The following TARP variants were observed in gnomAD, a reference collection of about 807,000 sequenced individuals.
At chr7:38,259,674 A>G in the TARP span, 1 of 161,854 alleles carries the variant, frequency 6.2e-6, no homozygotes, top group Non-Finnish European at 1.4e-5. Flanking sequence ...TATTTTGCTT[A>G]TTACGGAAAA....
the TARP span, among the ~76,000 whole-genome samples, chr7:38,268,146 C>T: frequency 1.1e-4 from 16 of 150,808 alleles, no homozygotes; most frequent in South Asian, 2.5e-3. Flanking sequence ...TTTTTTATGG[C>T]CAAGTATGGT....
the TARP span, among the ~76,000 whole-genome samples, chr7:38,267,912 G>A: frequency 2.0e-5 from 3 of 150,790 alleles, no homozygotes; most frequent in African/African-American, 4.9e-5. Flanking sequence ...TTTTCTGTAC[G>A]GTACCACAGC....
At chr7:38,260,911 A>G in the TARP span, among the ~76,000 whole-genome samples, 1 of 151,854 alleles carries the variant, frequency 6.6e-6, no homozygotes, top group Non-Finnish European at 1.5e-5. Context: ...AAAGTTGAGC[A>G]GGGCTAGAGC....
chr7:38,267,529 G>A, the TARP span, among the ~76,000 whole-genome samples: 16 of 150,808 alleles, frequency 1.1e-4, no homozygotes, highest in East Asian at 3.9e-4. Context: ...TGTCTGTGTA[G>A]CAAAGCTTCT....
the TARP span, chr7:38,260,203 G>A: frequency 1.3e-6 from 2 of 1,594,688 alleles, no homozygotes; most frequent in Non-Finnish European, 1.7e-6. Context: ...ATATGCAGAG[G>A]TGTTTGTGAG....
At chr7:38,266,047 C>T in the TARP span, among the ~76,000 whole-genome samples, 5 of 151,000 alleles carry the variant, frequency 3.3e-5, no homozygotes, top group Admixed American at 1.3e-4. Context: ...TCTTTTGTTT[C>T]ATCATAGTGA....
At chr7:38,271,827 T>A in the TARP span, among the ~76,000 whole-genome samples, 1 of 151,228 alleles carries the variant, frequency 6.6e-6, no homozygotes, top group Non-Finnish European at 1.5e-5. Context: ...AAAGTTTTAA[T>A]GAAATATAAG....
chr7:38,270,419 A>G, the TARP span, among the ~76,000 whole-genome samples: 10 of 149,354 alleles, frequency 6.7e-5, no homozygotes, highest in South Asian at 4.2e-4. Context: ...TGCCTTACCT[A>G]CCGTGTTAAG....
the TARP span, among the ~76,000 whole-genome samples, chr7:38,260,595 G>A: frequency 4.0e-3 from 607 of 151,598 alleles, 8 homozygotes; most frequent in East Asian, 0.05. Context: ...TTGGGTGATT[G>A]CATTTAATAT....
At chr7:38,269,428 A>G in the TARP span, 2 of 707,532 alleles carry the variant, frequency 2.8e-6, no homozygotes, top group African/African-American at 1.7e-5. Context: ...ACATTATTCC[A>G]GTTTAATAAT....
At chr7:38,264,096 G>C in the TARP span, among the ~76,000 whole-genome samples, 1 of 151,698 alleles carries the variant, frequency 6.6e-6, no homozygotes, top group Admixed American at 6.6e-5. Context: ...CTCAATCAAG[G>C]TTGGTTGCAA....
At chr7:38,265,528 C>T in the TARP span, 2 of 1,612,132 alleles carry the variant, frequency 1.2e-6, 1 homozygote, top group Non-Finnish European at 1.7e-6. Context: ...AATCGTGTTG[C>T]TCTTCTTTTC....
At chr7:38,268,058 C>A in the TARP span, among the ~76,000 whole-genome samples, 2 of 151,280 alleles carry the variant, frequency 1.3e-5, no homozygotes, top group Non-Finnish European at 2.9e-5. Context: ...CTTGATTACA[C>A]ATGGTAAGGG....
At chr7:38,265,898 G>T in the TARP span, among the ~76,000 whole-genome samples, 1 of 151,614 alleles carries the variant, frequency 6.6e-6, no homozygotes, top group African/African-American at 2.4e-5. Context: ...CTTGCCAAAA[G>T]TCACAGCTCT....
At chr7:38,261,583 C>T in the TARP span, among the ~76,000 whole-genome samples, 31 of 151,440 alleles carry the variant, frequency 2.0e-4, 1 homozygote, top group South Asian at 6.1e-3. Context: ...AAACAAAAGA[C>T]AGGACAGGAG....
the TARP span, chr7:38,259,797 C>T: frequency 8.0e-4 from 265 of 331,554 alleles, 1 homozygote; most frequent in Middle Eastern, 4.8e-3. Flanking sequence ...GGCTAGAAGC[C>T]GCAGGATGTC....
the TARP span, among the ~76,000 whole-genome samples, chr7:38,264,495 G>A: frequency 7.2e-3 from 1,087 of 151,356 alleles, 11 homozygotes; most frequent in Middle Eastern, 0.01. Context: ...GGAGGCTGAA[G>A]TAAGAGAATC....
At chr7:38,272,650 C>A in the TARP span, among the ~76,000 whole-genome samples, 1 of 146,920 alleles carries the variant, frequency 6.8e-6, no homozygotes, top group Admixed American at 6.9e-5. Flanking sequence ...TATAATGAAC[C>A]AGCATTTTTA....
the TARP span, among the ~76,000 whole-genome samples, chr7:38,262,707 A>G: frequency 1.3e-5 from 2 of 151,492 alleles, no homozygotes; most frequent in Non-Finnish European, 2.9e-5. Flanking sequence ...AGTGGAGTAT[A>G]GTACGGTGTC....
Sources: allele counts gnomAD v4.1 joint callset (sites outside exome capture counted in the v4.1 genomes callset), GRCh38; gene constraint gnomAD v4.1.1; transcripts MANE v1.5.